The following MEAK7 variants were observed in gnomAD, a reference collection of about 807,000 sequenced individuals.
The protein encoded by MEAK7 is MTOR associated protein MEAK7.
A neutral mutation model predicts 40.5 loss-of-function variants in MEAK7; 68 were observed. The observed-to-expected ratio is 1.68, with a 90% confidence interval of 1.38 to 2.06. The LOEUF is 2.06. Ranked by LOEUF, MEAK7 falls within the 30% of genes most tolerant of loss-of-function variation. MEAK7 has a pLI of 0.00. For missense variants in MEAK7, 918 were observed against 580.5 expected (o/e 1.58, Z -5.98); for synonymous variants, 338 against 231.9 (o/e 1.46, Z -4.16).
At position 84,489,267 on chromosome 16, in the gene MEAK7, C is replaced by T. The variant is rs139220522; in HGVS notation, c.529+11G>A. On this transcript the variant is annotated intron_variant, in intron 4 of 7. Coordinates refer to ENST00000343629, the MANE Select transcript of MEAK7 (RefSeq NM_020947.4). Reference sequence around the variant, plus strand: ...CAAAAGACCTGCATCACCGCGTCCACGCACACTTGCCTTGCAGCTTCATGT... The same window carrying T: ...CAAAAGACCTGCATCACCGCGTCCATGCACACTTGCCTTGCAGCTTCATGT... The T allele has an allele frequency of 2.3e-3, 3,767 of 1,613,502 alleles. 9 individuals are homozygous for T. The highest frequency in any genetic ancestry group is 8.8e-3 in the Middle Eastern group (53 of 6,042).
At chr16:84,485,669 T>TCCAC (rs1912981119) in intron 5 of MEAK7, among the ~76,000 whole-genome samples, 4 of 150,282 alleles carry the variant, frequency 2.7e-5, no homozygotes, top group Non-Finnish European at 5.9e-5. Context: ...CATCCATCTA[T>TCCAC]CTACCTATCT....
chr16:84,489,646 C>T (rs928145397), intron 3 of MEAK7, among the ~76,000 whole-genome samples: 1 of 152,176 alleles, frequency 6.6e-6, no homozygotes, highest in African/African-American at 2.4e-5. Context: ...CTCATCCCAA[C>T]AGTATTGGGG....
Position 84,480,822 on chromosome 16 carries a change from G to C in MEAK7, c.1078-114C>G. 3.4e-6 allele frequency: 4 copies of C among 1,181,234 alleles called. No homozygotes were observed. In the South Asian group the frequency reaches 6.9e-5, roughly 20 times the overall value. The allele number at this position is 1,181,234 out of a possible 1,614,324, so 73.2% of individuals were successfully genotyped here. On this transcript the variant is annotated intron_variant, in intron 6 of 7. Coordinates refer to ENST00000343629, the MANE Select transcript of MEAK7 (RefSeq NM_020947.4). ...GTACCAGCCTGAGACAGGGGCGGGT[G>C]AGTGGTGAATGCCATCATCTTGTTT... is the stretch of plus-strand genomic sequence containing the variant.
At chr16:84,494,385 G>A (rs1913872473) in intron 3 of MEAK7, among the ~76,000 whole-genome samples, 1 of 152,012 alleles carries the variant, frequency 6.6e-6, no homozygotes, top group Admixed American at 6.6e-5. Flanking sequence ...ATTTTTTCCT[G>A]GCTACAAGTC....
intron 1 of MEAK7, 75 bp from the exon 2 acceptor site, chr16:84,498,186 T>G: frequency 6.7e-7 from 1 of 1,493,024 alleles, no homozygotes; most frequent in Non-Finnish European, 9.0e-7. Context: ...GAGAATTATA[T>G]GGTCAAGTTA....
chr16:84,495,163 G>A (rs949281470), intron 3 of MEAK7, among the ~76,000 whole-genome samples: 1 of 152,180 alleles, frequency 6.6e-6, no homozygotes, highest in Non-Finnish European at 1.5e-5. Context: ...CAGCTACTCA[G>A]GAGGCTGAGG....
In MEAK7 at chr16:84,498,009, T is replaced by G; in HGVS notation, c.78A>C (p.Gln26His). 6.2e-7 allele frequency: 1 copy of G among 1,614,196 alleles called. No individual in the cohort carries two copies. The highest frequency in any genetic ancestry group is 8.5e-7 in the Non-Finnish European group (1 of 1,180,040). Residue 26 changes from glutamine (Q) to histidine (H), a missense_variant, in exon 2 of 8, where the codon CAA becomes CAC. Physicochemically the swap from Gln to His is conservative, Grantham distance 24. Transcript: ENST00000343629. ...TATCTGATGACAGAGCATCAAACAA[T>G]TGATCAATCTCTGCCTGTTCCTCAG... ...FLPEEQAEID[Q>H]LFDALSSDKN...
intron 4 of MEAK7, 85 bp downstream of exon 4, chr16:84,489,193 G>C: frequency 2.0e-6 from 3 of 1,479,170 alleles, no homozygotes; most frequent in South Asian, 1.4e-5. Flanking sequence ...TGGTTTCAAA[G>C]CTTTACTACA....
chr16:84,502,539 G>GCCAC (rs1390337288), intron 1 of MEAK7, among the ~76,000 whole-genome samples: 3 of 152,038 alleles, frequency 2.0e-5, no homozygotes, highest in Non-Finnish European at 2.9e-5. Flanking sequence ...CAGAGAAGAG[G>GCCAC]CCACCCCATG....
chr16:84,504,579 G>A (rs762351504), intron 1 of MEAK7, 22 bp downstream of exon 1: 7 of 985,506 alleles, frequency 7.1e-6, no homozygotes, highest in African/African-American at 1.7e-5. Flanking sequence ...AGCTCACTGC[G>A]AACCTCAGCC....
intron 5 of MEAK7, chr16:84,486,305 T>C (rs867798799): frequency 3.5e-4 from 149 of 428,060 alleles, no homozygotes; most frequent in African/African-American, 2.9e-3. Context: ...GGAAGGAAAA[T>C]GTCCGATCTG....
At chr16:84,503,740 G>T (rs986993298) in intron 1 of MEAK7, among the ~76,000 whole-genome samples, 1 of 152,236 alleles carries the variant, frequency 6.6e-6, no homozygotes, top group East Asian at 1.9e-4. Context: ...GAAACGGAAG[G>T]TTGCTCTGCC....
At position 84,487,075 on chromosome 16, in the gene MEAK7, G is replaced by A. The variant is rs780010255; in HGVS notation, c.530-16C>T. On this transcript the variant is annotated splice_polypyrimidine_tract_variant and intron_variant, in intron 4 of 7. Coordinates refer to ENST00000343629, the MANE Select transcript of MEAK7 (RefSeq NM_020947.4). ...CTCTTGCCATCTAGGGGAAGGGGAT[G>A]GTCAGCATTAGTGGGGCTGTTATGT... The A allele has an allele frequency of 5.6e-6, 9 of 1,600,810 alleles. No homozygotes were observed. In the South Asian group the frequency reaches 1.0e-4, roughly 18 times the overall value.
In MEAK7 at chr16:84,490,653, G is replaced by GGTGTGTGTGTGTGTGTGTGTGTGTGT. The variant is rs571630201; in HGVS notation, c.385-1232_385-1231insACACACACACACACACACACACACAC. Among the ~76,000 whole-genome samples the GGTGTGTGTGTGTGTGTGTGTGTGTGT allele has an allele frequency of 7.3e-3, 761 of 104,464 alleles. 34 individuals are homozygous for GGTGTGTGTGTGTGTGTGTGTGTGTGT. Among genetic ancestry groups the GGTGTGTGTGTGTGTGTGTGTGTGTGT allele is most frequent in the Middle Eastern group, 0.015 (3 of 200 alleles). The allele number at this position is 104,464 out of a possible 152,430, so 68.5% of individuals were successfully genotyped here. A position where few individuals can be genotyped will look rare whatever the true frequency, so the allele number is the denominator to read the frequency against. Reference sequence around the variant, plus strand: ...GTCAGCTTAATTAAAAGCTAATCAAGATGTGTGTGTGTGTGTGTGTGTGTG... The same window carrying GGTGTGTGTGTGTGTGTGTGTGTGTGT: ...GTCAGCTTAATTAAAAGCTAATCAAGGTGTGTGTGTGTGTGTGTGTGTGTGTATGTGTGTGTGTGTGTGTGTGTGTG... On this transcript the variant is annotated intron_variant, in intron 3 of 7. Coordinates refer to ENST00000343629, the MANE Select transcript of MEAK7 (RefSeq NM_020947.4).
chr16:84,488,009 G>C (rs1913245507), intron 4 of MEAK7: 1 of 152,116 alleles, frequency 6.6e-6, no homozygotes, highest in African/African-American at 2.4e-5. Flanking sequence ...GTGTAACTCA[G>C]GCCCATTTTA....
In MEAK7 at chr16:84,480,680, C is replaced by G. The variant is rs771396918; in HGVS notation, c.1106G>C (p.Gly369Ala). ...CCCAAAATCAACATCCACCCAAAGC[C>G]CAAAGTAATTGTGCTGCCCCCCCAT... ...LGMGGQHNYF[G>A]LWVDVDFGKG... Residue 369 changes from glycine to alanine, a missense_variant, in exon 7 of 8, where the codon GGG becomes GCG. Physicochemically the swap from Gly to Ala is moderately conservative, Grantham distance 60. Transcript: ENST00000343629. 3 of 1,613,636 alleles carry G rather than the reference C, an allele frequency of 1.9e-6. No individual in the cohort carries two copies. The highest frequency in any genetic ancestry group is 1.1e-5 in the South Asian group (1 of 91,000).
intron 2 of MEAK7, chr16:84,497,667 CT>C (rs1567504394): frequency 1.4e-6 from 2 of 1,454,824 alleles, no homozygotes; most frequent in Non-Finnish European, 1.8e-6. Context: ...AGATAAGAGA[CT>C]ATTGATTTCA....
intron 2 of MEAK7, chr16:84,497,379 G>C: frequency 8.1e-7 from 1 of 1,241,742 alleles, no homozygotes; most frequent in Non-Finnish European, 1.0e-6. Context: ...TGATTATTTT[G>C]TTAGGAATAT....
intron 3 of MEAK7, among the ~76,000 whole-genome samples, chr16:84,492,337 C>T (rs403225): frequency 0.47 from 70,861 of 152,000 alleles, 17,388 homozygotes; most frequent in South Asian, 0.6. Context: ...ATACAAATTA[C>T]ATCTTATGGT....
Sources: gnomAD v4.1 joint callset for allele counts (sites outside exome capture counted in the v4.1 genomes callset) on GRCh38, gnomAD v4.1.1 for gene constraint, MANE v1.5 for transcripts, NCBI Gene and HGNC (gene_info 2026-07-23, HGNC 2026-07-21) for gene names.